Variants in HIP1 observed in about 807,000 individuals in gnomAD.
HIP1 encodes the protein huntingtin interacting protein 1.
A neutral mutation model predicts 147.6 loss-of-function variants in HIP1; 65 were observed. That is an observed-to-expected ratio of 0.44 (90% CI 0.36 to 0.54). The LOEUF is 0.54. Ranked by LOEUF, HIP1 falls within the 20% of genes least tolerant of loss-of-function variation. The pLI, the probability that HIP1 is intolerant of heterozygous loss-of-function variation, is 0.00. For synonymous variants in HIP1, 479 were observed against 504.0 expected, an observed-to-expected ratio of 0.95 and a Z score of 0.67; for missense variants, 1,061 against 1,299.6, an observed-to-expected ratio of 0.82 and a Z score of 2.82.
chr7:75,556,632 G>T, intron 17 of HIP1, 78 bp downstream of exon 17: 1 of 910,100 alleles, frequency 1.1e-6, no homozygotes, highest in Non-Finnish European at 1.8e-6. Flanking sequence ...GCTGCAGTGA[G>T]CTGCGATCGC....
intron 12 of HIP1, among the ~76,000 whole-genome samples, chr7:75,561,818 T>G (rs1795237922): frequency 6.6e-6 from 1 of 152,142 alleles, no homozygotes; most frequent in Admixed American, 6.5e-5. Flanking sequence ...ATTTTTTTAC[T>G]TTTATTTAAT....
chr7:75,665,829 C>CCG (rs1799542201), intron 1 of HIP1, among the ~76,000 whole-genome samples: 1 of 152,136 alleles, frequency 6.6e-6, no homozygotes, highest in African/African-American at 2.4e-5. Flanking sequence ...GCATGAGCCA[C>CCG]TGCTCCTGGC....
intron 1 of HIP1, among the ~76,000 whole-genome samples, chr7:75,722,495 T>G (rs1453111984): frequency 6.6e-6 from 1 of 152,080 alleles, no homozygotes; most frequent in Non-Finnish European, 1.5e-5. Flanking sequence ...ACTTCCCGAT[T>G]CCTAATCCAG....
chr7:75,677,977 A>G (rs1163753022), intron 1 of HIP1, among the ~76,000 whole-genome samples: 7 of 151,276 alleles, frequency 4.6e-5, no homozygotes, highest in South Asian at 2.1e-4. Flanking sequence ...TTCTTTCCCA[A>G]CTCTTACCCC....
intron 29 of HIP1, 69 bp downstream of exon 29, chr7:75,541,850 A>T: frequency 8.5e-7 from 1 of 1,171,784 alleles, no homozygotes. Context: ...GCTTTTCTCC[A>T]TGGGAATAAT....
At chr7:75,574,002 A>G (rs1366645696) in intron 7 of HIP1, 101 bp from the exon 8 acceptor site, 1 of 963,248 alleles carries the variant, frequency 1.0e-6, no homozygotes, top group African/African-American at 1.6e-5. Flanking sequence ...CCAAGGACCG[A>G]TTCTGTGCGT....
rs140199531 is a variant in HIP1 at position 75,535,606 on chromosome 7, C to T, written c.*2566G>A. ...AACTCCTGAGCTCAAGCAATCATCC[C>T]GTCTTGGCCTCCCAAAGTTCTGGGA... On this transcript the variant is annotated 3_prime_UTR_variant, in exon 31 of 31. Coordinates refer to ENST00000336926, the MANE Select transcript of HIP1 (RefSeq NM_005338.7). 45 of 183,248 alleles carry T rather than the reference C, an allele frequency of 2.5e-4. No homozygotes were observed. The highest frequency in any genetic ancestry group is 2.4e-3 in the South Asian group (12 of 5,092). 11.4% of individuals were successfully genotyped at this position (183,248 alleles called of 1,614,324 possible). A position where few individuals can be genotyped will look rare whatever the true frequency, so the allele number is the denominator to read the frequency against.
At chr7:75,592,215 G>A in intron 3 of HIP1, 103 bp from the exon 4 acceptor site, 2 of 1,383,868 alleles carry the variant, frequency 1.4e-6, no homozygotes, top group South Asian at 2.3e-5. Flanking sequence ...CAGGGGGACA[G>A]GCTGATGGGA....
intron 1 of HIP1, among the ~76,000 whole-genome samples, chr7:75,650,676 C>T (rs1563269818): frequency 6.6e-6 from 1 of 152,098 alleles, no homozygotes; most frequent in Non-Finnish European, 1.5e-5. Context: ...TGGTTTCAAA[C>T]TCCTCGGCCT....
chr7:75,566,832 T>G (rs1375722897), intron 9 of HIP1, among the ~76,000 whole-genome samples: 2 of 151,180 alleles, frequency 1.3e-5, no homozygotes, highest in Non-Finnish European at 2.9e-5. Flanking sequence ...TAGAAAAGAA[T>G]GGGGAGGGGC....
chr7:75,580,978 G>C (rs587691865), intron 7 of HIP1, among the ~76,000 whole-genome samples: 2 of 152,296 alleles, frequency 1.3e-5, no homozygotes, highest in South Asian at 4.1e-4. Flanking sequence ...CTGGCCTCAA[G>C]TGATGGGCCC....
intron 17 of HIP1, 73 bp from the exon 18 acceptor site, chr7:75,556,242 C>G (rs938875364): frequency 6.5e-7 from 1 of 1,546,452 alleles, no homozygotes; most frequent in Non-Finnish European, 8.8e-7. Flanking sequence ...AGAGGTCCAA[C>G]CCACCACCGG....
chr7:75,553,827 C>T (rs1554492610), intron 21 of HIP1, among the ~76,000 whole-genome samples: 1 of 152,232 alleles, frequency 6.6e-6, no homozygotes, highest in Non-Finnish European at 1.5e-5. Flanking sequence ...TGGTCTCGAA[C>T]TCCTGACCTC....
rs1794394256 is a variant in HIP1, at chr7:75,542,966, A to T, written c.2775T>A (p.Ala925=). Reference sequence around the variant, plus strand: ...GGGCTAGGTTGGGGCTGTCCTTATCAGCTTTCACCTACCAGGACAAAGCAG... The same window carrying T: ...GGGCTAGGTTGGGGCTGTCCTTATCTGCTTTCACCTACCAGGACAAAGCAG... ...AQLVAASKVK[A]DKDSPNLAQL... The change falls in exon 28 of 31, where the codon GCT becomes GCA. Residue 925 remains alanine (A), a synonymous_variant. Coordinates refer to ENST00000336926, the MANE Select transcript of HIP1 (RefSeq NM_005338.7). 1 of 1,612,718 alleles carries T rather than the reference A, an allele frequency of 6.2e-7. No homozygotes were observed. The highest frequency in any genetic ancestry group is 8.5e-7 in the Non-Finnish European group (1 of 1,179,374).
chr7:75,579,293 G>A (rs908992103), intron 7 of HIP1, among the ~76,000 whole-genome samples: 5 of 151,986 alleles, frequency 3.3e-5, no homozygotes, highest in Non-Finnish European at 7.4e-5. Context: ...CGCACAAACC[G>A]CAGTTTCCAG....
At chr7:75,583,755 T>TC (rs1554499036) in intron 5 of HIP1, among the ~76,000 whole-genome samples, 1 of 122,740 alleles carries the variant, frequency 8.1e-6, no homozygotes, top group African/African-American at 3.1e-5. Flanking sequence ...TGCGGGCTAA[T>TC]TTGTGTGTGT....
At chr7:75,640,072 T>G (rs1343357847) in intron 1 of HIP1, among the ~76,000 whole-genome samples, 2 of 152,214 alleles carry the variant, frequency 1.3e-5, no homozygotes, top group Non-Finnish European at 2.9e-5. Context: ...AAGGCAGACA[T>G]TCCCCTCTGC....
intron 4 of HIP1, 133 bp from the exon 5 acceptor site, chr7:75,586,966 G>T (rs1554499769): frequency 3.1e-6 from 2 of 650,862 alleles, no homozygotes; most frequent in East Asian, 5.7e-5. Context: ...TTAGAGATGG[G>T]GTCTAGCTCT....
rs112659476 is a variant in HIP1 at position 75,709,409 on chromosome 7, G to A, written c.120+29392C>T. ...ATTACAGGCATGAGCCACCTCACCC[G>A]GCCCCAGTATTTTATTCTTTTTGGT... On this transcript the variant is annotated intron_variant, in intron 1 of 30. Coordinates refer to ENST00000336926, the MANE Select transcript of HIP1 (RefSeq NM_005338.7). 4.6e-3 allele frequency among the ~76,000 whole-genome samples: 692 copies of A among 152,064 alleles called. 2 individuals are homozygous for A. The highest frequency in any genetic ancestry group is 6.9e-3 in the Non-Finnish European group (466 of 67,986).
Sources: gnomAD v4.1 joint callset for allele counts (sites outside exome capture counted in the v4.1 genomes callset) on GRCh38, gnomAD v4.1.1 for gene constraint, MANE v1.5 for transcripts, NCBI Gene and HGNC (gene_info 2026-07-23, HGNC 2026-07-21) for gene names.